The following PTPRG variants were observed in gnomAD, a reference collection of about 807,000 sequenced individuals.
PTPRG encodes the protein receptor-type tyrosine-protein phosphatase gamma.
A neutral mutation model predicts 165.3 loss-of-function variants in PTPRG; 102 were observed. That is an observed-to-expected ratio of 0.62 (90% CI 0.53 to 0.73). The LOEUF (loss-of-function observed/expected upper bound fraction) is 0.73. Among genes scored for constraint, PTPRG ranks in the 30% least tolerant of loss-of-function variants. PTPRG has a pLI of 0.00. For missense variants in PTPRG, 1,866 were observed against 1,861.4 expected (o/e 1.00, Z -0.05); for synonymous variants, 675 against 669.5 (o/e 1.01, Z -0.13).
At chr3:62,010,260 T>C (rs2041389738) in intron 4 of PTPRG, among the ~76,000 whole-genome samples, 1 of 152,150 alleles carries the variant, frequency 6.6e-6, no homozygotes, top group South Asian at 2.1e-4. Context: ...TGAAGATTTA[T>C]TTGTACATTG....
At chr3:62,230,347 A>G (rs528522486) in intron 13 of PTPRG, among the ~76,000 whole-genome samples, 1 of 152,360 alleles carries the variant, frequency 6.6e-6, no homozygotes, top group South Asian at 2.1e-4. Flanking sequence ...CTTTGGAATT[A>G]CATACCTGGC....
chr3:61,927,609 G>A (rs2039254204), intron 2 of PTPRG, among the ~76,000 whole-genome samples: 1 of 152,200 alleles, frequency 6.6e-6, no homozygotes, highest in Non-Finnish European at 1.5e-5. Flanking sequence ...TTGGGCTGTG[G>A]TTTGCTGCTA....
At position 62,271,558 on chromosome 3, in the gene PTPRG, A is replaced by G. The variant is rs1418200802; in HGVS notation, c.3182+3A>G. On this transcript the variant is annotated splice_donor_region_variant and intron_variant, in intron 21 of 29. Coordinates refer to ENST00000474889, the MANE Select transcript of PTPRG (RefSeq NM_002841.4). The surrounding 1 kb of genome is among the most constrained non-coding windows in gnomAD (Gnocchi z 4.1). Reference sequence around the variant, plus strand: ...GGCCCTGTGTTGGTGCACTGCAGGTAGGGTCTAGGATTCAACATGTGAAAT... The same window carrying G: ...GGCCCTGTGTTGGTGCACTGCAGGTGGGGTCTAGGATTCAACATGTGAAAT... 3 of 1,611,630 alleles carry G rather than the reference A, an allele frequency of 1.9e-6. No individual in the cohort carries two copies. Among genetic ancestry groups the G allele is most frequent in the African/African-American group, 1.3e-5 (1 of 74,884 alleles).
chr3:62,144,948 G>T (rs1704065042), intron 6 of PTPRG, among the ~76,000 whole-genome samples: 1 of 151,978 alleles, frequency 6.6e-6, no homozygotes, highest in Non-Finnish European at 1.5e-5. Context: ...GTTTGAACAG[G>T]ATTATGGGAA....
intron 2 of PTPRG, among the ~76,000 whole-genome samples, chr3:61,844,066 C>T (rs555072804): frequency 4.4e-4 from 66 of 151,294 alleles, no homozygotes; most frequent in African/African-American, 1.4e-3. Context: ...CGGTTTCAAG[C>T]GATTCTCCTG....
intron 4 of PTPRG, among the ~76,000 whole-genome samples, chr3:62,010,020 C>T (rs1164028327): frequency 5.3e-5 from 8 of 152,162 alleles, no homozygotes; most frequent in African/African-American, 7.2e-5. Flanking sequence ...TGGGCTCAAC[C>T]GGTTCTCTTG....
intron 2 of PTPRG, among the ~76,000 whole-genome samples, chr3:61,971,300 C>T (rs2040377066): frequency 6.6e-6 from 1 of 151,992 alleles, no homozygotes; most frequent in Non-Finnish European, 1.5e-5. Flanking sequence ...TAGAAGTAGG[C>T]TTATCATCAT....
At chr3:62,200,800 A>G (rs1700080606) in intron 10 of PTPRG, among the ~76,000 whole-genome samples, 5 of 152,224 alleles carry the variant, frequency 3.3e-5, no homozygotes, top group Admixed American at 3.3e-4. Context: ...ATATAACAGT[A>G]CACAAAAGGT....
chr3:61,655,506 G>T (rs542566005), intron 1 of PTPRG, among the ~76,000 whole-genome samples: 13 of 152,256 alleles, frequency 8.5e-5, no homozygotes, highest in African/African-American at 3.1e-4. Flanking sequence ...CAGTCAAGAA[G>T]GAGTGGCAGT....
intron 5 of PTPRG, among the ~76,000 whole-genome samples, chr3:62,104,395 C>T: frequency 6.6e-6 from 1 of 152,166 alleles, no homozygotes; most frequent in East Asian, 1.9e-4. Context: ...TTAGAAATTC[C>T]AGAATACTTC....
At position 62,102,558 on chromosome 3, in the gene PTPRG, A is replaced by C. The variant is rs544383811; in HGVS notation, c.615+24300A>C. Among the ~76,000 whole-genome samples, 288 of 152,330 alleles carry C rather than the reference A, an allele frequency of 1.9e-3. 2 individuals carry two copies. The highest frequency in any genetic ancestry group is 4.9e-3 in the Admixed American group (75 of 15,304). ...AGTGCTGGGATTACAGGCGTGAGCC[A>C]CCACGCCCGGCCTGGACACCTTTCT... On this transcript the variant is annotated intron_variant, in intron 5 of 29. Coordinates refer to ENST00000474889, the MANE Select transcript of PTPRG (RefSeq NM_002841.4).
rs982670967 is a variant in PTPRG at position 61,646,475 on chromosome 3, A to T, written c.85+84103A>T. ...AAAACTCTTCTGGAATTACACATCT[A>T]GAAATGCTCCCATTCAAAACATTAT... On this transcript the variant is annotated intron_variant, in intron 1 of 29. Coordinates refer to ENST00000474889, the MANE Select transcript of PTPRG (RefSeq NM_002841.4). Among the ~76,000 whole-genome samples, 6 of 152,322 alleles carry T rather than the reference A, an allele frequency of 3.9e-5. 1 individual carries two copies. The highest frequency in any genetic ancestry group is 1.9e-4 in the East Asian group (1 of 5,184).
intron 1 of PTPRG, among the ~76,000 whole-genome samples, chr3:61,738,775 T>C (rs1287086204): frequency 6.6e-6 from 1 of 151,344 alleles, no homozygotes; most frequent in Admixed American, 6.6e-5. Flanking sequence ...CTTACTTCTT[T>C]ATTTTTATTT....
At position 61,965,244 on chromosome 3, in the gene PTPRG, CA is replaced by C. The variant is rs57335330; in HGVS notation, c.191-24366del. On this transcript the variant is annotated intron_variant, in intron 2 of 29. Coordinates refer to ENST00000474889, the MANE Select transcript of PTPRG (RefSeq NM_002841.4). ...GGGCAACAAGAGCGAAACTCTGTCT[CA>C]AAAAAAAAAAAAAATCCAGAATGAC... 3.2e-3 allele frequency among the ~76,000 whole-genome samples: 425 copies of C among 134,690 alleles called. 1 individual carries two copies. The highest frequency in any genetic ancestry group is 6.3e-3 in the African/African-American group (232 of 36,560). The allele number at this position is 134,690 out of a possible 152,430, so 88.4% of individuals were successfully genotyped here. A position where few individuals can be genotyped will look rare whatever the true frequency, so the allele number is the denominator to read the frequency against.
intron 1 of PTPRG, among the ~76,000 whole-genome samples, chr3:61,575,598 CTTT>C (rs34363041): frequency 8.5e-6 from 1 of 117,296 alleles, no homozygotes. Context: ...GCACACAGAA[CTTT>C]TTTTTTTTTT....
At position 62,281,538 on chromosome 3, in the gene PTPRG, C is replaced by CTTTTTTTTATTTTTTTTTTTTTTTTTTT. The variant is rs1702442542; in HGVS notation, c.3766-17_3766-16insATTTTTTTTTTTTTTTTTTTTTTTTTTT. 3 of 497,854 alleles carry CTTTTTTTTATTTTTTTTTTTTTTTTTTT rather than the reference C, an allele frequency of 6.0e-6. 1 individual carries two copies. Among genetic ancestry groups the CTTTTTTTTATTTTTTTTTTTTTTTTTTT allele is most frequent in the African/African-American group, 3.7e-5 (1 of 27,176 alleles). The allele number at this position is 497,854 out of a possible 1,614,324, so 30.8% of individuals were successfully genotyped here. A position where few individuals can be genotyped will look rare whatever the true frequency, so the allele number is the denominator to read the frequency against. On this transcript the variant is annotated intron_variant, in intron 26 of 29. Transcript: ENST00000474889. The stretch of plus-strand genomic sequence containing the variant: ...CAAATCCTTGACAGAACTGCAGAGG[C>CTTTTTTTTATTTTTTTTTTTTTTTTTTT]TTTTTTTTTTTTTGGATTCCAAAGG...
At chr3:62,037,793 T>C (rs7637925) in intron 4 of PTPRG, among the ~76,000 whole-genome samples, 55,838 of 152,018 alleles carry the variant, frequency 0.37, 10,554 homozygotes, top group Middle Eastern at 0.48. Flanking sequence ...AGGTCTCGCC[T>C]CTTATTTGTG....
chr3:61,929,901 A>G (rs1440798946), intron 2 of PTPRG, among the ~76,000 whole-genome samples: 4 of 152,208 alleles, frequency 2.6e-5, no homozygotes, highest in African/African-American at 9.6e-5. Flanking sequence ...GTCGTGGATA[A>G]CAGTTTAGAC....
chr3:62,243,716 G>T, intron 14 of PTPRG, 91 bp from the exon 15 acceptor site: 2 of 797,436 alleles, frequency 2.5e-6, no homozygotes, highest in Admixed American at 2.6e-5. Flanking sequence ...GATGTTTAAA[G>T]CTGGGAAGAT....
Sources: gnomAD v4.1 joint callset for allele counts (sites outside exome capture counted in the v4.1 genomes callset) on GRCh38, gnomAD v4.1.1 for gene constraint, Gnocchi (gnomAD v3.1) non-coding constraint, MANE v1.5 for transcripts, NCBI Gene and HGNC (gene_info 2026-07-23, HGNC 2026-07-21) for gene names.